The following SUSD4 variants were observed in gnomAD, a reference collection of about 807,000 sequenced individuals.
The protein encoded by SUSD4 is sushi domain-containing protein 4.
In SUSD4, 41 loss-of-function variants were observed where a neutral mutation model predicts 50.5. The observed-to-expected ratio is 0.81, with a 90% CI of 0.63 to 1.05. The LOEUF (loss-of-function observed/expected upper bound fraction) is 1.05. SUSD4 is among the 50% of genes least tolerant of loss of function. SUSD4 has a pLI of 0.00. For missense variants in SUSD4, 580 were observed against 634.7 expected, an observed-to-expected ratio of 0.91 and a Z score of 0.93; for synonymous variants, 257 against 257.3, an observed-to-expected ratio of 1.00 and a Z score of 0.01.
chr1:223,222,338 T>C, intron 8 of SUSD4, 118 bp from the exon 9 acceptor site: 2 of 1,055,778 alleles, frequency 1.9e-6, no homozygotes, highest in Non-Finnish European at 2.8e-6. Flanking sequence ...GAAGAAAATG[T>C]TAAGTTCCAC....
At chr1:223,224,861 C>A (rs1012281772) in intron 7 of SUSD4, among the ~76,000 whole-genome samples, 27 of 113,718 alleles carry the variant, frequency 2.4e-4, no homozygotes, top group Admixed American at 7.8e-4. Context: ...TTGGTTTCTT[C>A]CTTTTTTTTT....
In SUSD4 at chr1:223,317,678, T is replaced by C. The variant is rs548922196; in HGVS notation, c.149-25027A>G. 3.2e-4 allele frequency among the ~76,000 whole-genome samples: 49 copies of C among 152,170 alleles called. 1 individual carries two copies. The South Asian group carries it at 7.7e-3, about 24-fold the overall frequency. ...TTGGGTAAATGGTCTTTGCCAACAG[T>C]TCATATTTCTCTTTTACTCCCAAAA... is the stretch of plus-strand genomic sequence containing the variant. On this transcript the variant is annotated intron_variant, in intron 2 of 8. Transcript: ENST00000366878.
intron 5 of SUSD4, among the ~76,000 whole-genome samples, chr1:223,252,327 T>C (rs188784937): frequency 2.7e-5 from 4 of 150,588 alleles, no homozygotes; most frequent in African/African-American, 9.8e-5. Flanking sequence ...GAGAACTCCA[T>C]GTGATGACCG....
chr1:223,244,063 G>A (rs1330904961), intron 5 of SUSD4, among the ~76,000 whole-genome samples: 1 of 152,214 alleles, frequency 6.6e-6, no homozygotes, highest in Non-Finnish European at 1.5e-5. Flanking sequence ...TTATGTGGCT[G>A]GATAGGCCTT....
chr1:223,339,474 G>A (rs1667635500), intron 2 of SUSD4, among the ~76,000 whole-genome samples: 1 of 152,132 alleles, frequency 6.6e-6, no homozygotes, highest in Admixed American at 6.5e-5. Context: ...GGACAGGACA[G>A]AGGGACCCAT....
intron 3 of SUSD4, among the ~76,000 whole-genome samples, chr1:223,282,537 G>A (rs1476305918): frequency 6.6e-6 from 1 of 152,176 alleles, no homozygotes; most frequent in Non-Finnish European, 1.5e-5. Flanking sequence ...TACAAGGGAT[G>A]TGAAGGACCT....
At chr1:223,258,283 T>C (rs1661841922) in intron 5 of SUSD4, among the ~76,000 whole-genome samples, 1 of 152,236 alleles carries the variant, frequency 6.6e-6, no homozygotes, top group Admixed American at 6.5e-5. Context: ...ACATCCAAGC[T>C]GGCTTTGAGT....
chr1:223,354,218 AC>A, intron 2 of SUSD4, among the ~76,000 whole-genome samples: 1 of 152,286 alleles, frequency 6.6e-6, no homozygotes, highest in Admixed American at 6.5e-5. Flanking sequence ...ACCAAATAAT[AC>A]ACAAATAAGT....
chr1:223,280,893 G>C (rs7412060), intron 3 of SUSD4, among the ~76,000 whole-genome samples: 42,549 of 152,066 alleles, frequency 0.28, 7,387 homozygotes, highest in Non-Finnish European at 0.4. Context: ...CTATCTCTCA[G>C]ACCACAGTGC....
intron 2 of SUSD4, among the ~76,000 whole-genome samples, chr1:223,323,626 G>A (rs1207379106): frequency 2.0e-5 from 3 of 152,188 alleles, no homozygotes; most frequent in Non-Finnish European, 4.4e-5. Flanking sequence ...TGCAGGGTGA[G>A]GCCAAGACTC....
chr1:223,305,103 T>C (rs1189901242), intron 2 of SUSD4, among the ~76,000 whole-genome samples: 1 of 151,846 alleles, frequency 6.6e-6, no homozygotes, highest in Non-Finnish European at 1.5e-5. Flanking sequence ...TATGAAACAG[T>C]TGATGGTAAG....
At chr1:223,326,053 A>T (rs1201424039) in intron 2 of SUSD4, among the ~76,000 whole-genome samples, 1 of 152,120 alleles carries the variant, frequency 6.6e-6, no homozygotes, top group Admixed American at 6.5e-5. Context: ...AAAAGAGCCC[A>T]GCATAAAGAA....
chr1:223,243,666 T>C (rs1481041786), intron 5 of SUSD4, among the ~76,000 whole-genome samples: 1 of 152,220 alleles, frequency 6.6e-6, no homozygotes, highest in Non-Finnish European at 1.5e-5. Flanking sequence ...ACTTCCCGCC[T>C]GTCTTTAGGT....
rs1053541738 is a variant in SUSD4, at chr1:223,348,678, C to T, written c.148+14600G>A. Among the ~76,000 whole-genome samples the T allele has an allele frequency of 1.2e-4, 18 of 152,178 alleles. 1 individual carries two copies. ...CTCTTTAGGCCTCCCCGGTACACTA[C>T]CAACCCTAGCCTAAAGGTGCGTAAG... On this transcript the variant is annotated intron_variant, in intron 2 of 8. Transcript: ENST00000366878.
chr1:223,222,029 T>C lies in SUSD4; in HGVS notation c.*163A>G. 1.5e-6 allele frequency: 1 copy of C among 668,486 alleles called. No individual in the cohort carries two copies. Among genetic ancestry groups the C allele is most frequent in the South Asian group, 2.2e-5 (1 of 45,988 alleles). 41.4% of individuals were successfully genotyped at this position (668,486 alleles called of 1,614,324 possible). A position where few individuals can be genotyped will look rare whatever the true frequency, so the allele number is the denominator to read the frequency against. On this transcript the variant is annotated 3_prime_UTR_variant, in exon 9 of 9. Transcript: ENST00000366878. ...ATTTAAAAGCACTGCCATTGCAGTT[T>C]GTCAGCCTCACTGTGGAGCCTGAGA...
intron 5 of SUSD4, among the ~76,000 whole-genome samples, chr1:223,238,084 C>T (rs1255925746): frequency 6.6e-6 from 1 of 151,942 alleles, no homozygotes; most frequent in Non-Finnish European, 1.5e-5. Flanking sequence ...CAGATTGTGT[C>T]TTTCAAGGAC....
chr1:223,360,215 A>G (rs953642748), intron 2 of SUSD4: 2 of 470,778 alleles, frequency 4.2e-6, no homozygotes, highest in Non-Finnish European at 8.8e-6. Context: ...TAAAGGAGTC[A>G]CTTGTTGAGC....
At chr1:223,291,273 G>T (rs1195770506) in intron 3 of SUSD4, among the ~76,000 whole-genome samples, 4 of 151,894 alleles carry the variant, frequency 2.6e-5, no homozygotes, top group South Asian at 4.1e-4. Flanking sequence ...CAGGTGGATT[G>T]CATGAGCTCA....
intron 2 of SUSD4, among the ~76,000 whole-genome samples, chr1:223,293,319 C>T (rs1664616270): frequency 6.6e-6 from 1 of 152,176 alleles, no homozygotes; most frequent in Non-Finnish European, 1.5e-5. Flanking sequence ...TCTCCGCCTG[C>T]CTCATCCCTA....
Sources: gnomAD v4.1 joint callset for allele counts (sites outside exome capture counted in the v4.1 genomes callset) on GRCh38, gnomAD v4.1.1 for gene constraint, MANE v1.5 for transcripts, NCBI Gene and HGNC (gene_info 2026-07-23, HGNC 2026-07-21) for gene names.